Variants in GPC6 observed in about 807,000 individuals in gnomAD.
The protein encoded by GPC6 is glypican-6.
GPC6 carries 14 observed loss-of-function variants against 55.2 expected under a neutral mutation model. The observed-to-expected ratio is 0.25, with a 90% CI of 0.17 to 0.40. The LOEUF (loss-of-function observed/expected upper bound fraction) is 0.40, where lower values mean the gene tolerates loss of function less well. Ranked by LOEUF, GPC6 falls within the 10% of genes least tolerant of loss-of-function variation. GPC6 has a pLI of 1.00. For synonymous variants in GPC6, 278 were observed against 259.6 expected (o/e 1.07, Z -0.68); for missense variants, 641 against 708.5 (o/e 0.90, Z 1.08).
intron 3 of GPC6, among the ~76,000 whole-genome samples, chr13:93,909,064 T>C (rs573007956): frequency 5.8e-4 from 89 of 152,328 alleles, no homozygotes; most frequent in African/African-American, 2.0e-3. Context: ...AGAATAAAAG[T>C]TATGCAAAGG....
chr13:93,282,507 C>G (rs1484737238), intron 1 of GPC6, among the ~76,000 whole-genome samples: 1 of 150,632 alleles, frequency 6.6e-6, no homozygotes, highest in African/African-American at 2.5e-5. Flanking sequence ...CTTAGCTGAT[C>G]TAATGAATTA....
At chr13:93,566,098 T>G (rs1156901358) in intron 2 of GPC6, among the ~76,000 whole-genome samples, 1 of 152,196 alleles carries the variant, frequency 6.6e-6, no homozygotes, top group Non-Finnish European at 1.5e-5. Flanking sequence ...AACTCCTACC[T>G]GAACATAAGG....
chr13:93,436,362 T>C (rs1174085321), intron 1 of GPC6, among the ~76,000 whole-genome samples: 1 of 152,218 alleles, frequency 6.6e-6, no homozygotes, highest in Non-Finnish European at 1.5e-5. Flanking sequence ...TATGTAATGC[T>C]CTTCCCAGAC....
intron 4 of GPC6, among the ~76,000 whole-genome samples, chr13:94,110,696 G>T (rs1886215098): frequency 6.6e-6 from 1 of 151,946 alleles, no homozygotes; most frequent in African/African-American, 2.4e-5. Flanking sequence ...AATAATTAAT[G>T]GAATTAGTTA....
intron 3 of GPC6, among the ~76,000 whole-genome samples, chr13:93,836,544 A>G (rs551728199): frequency 1.5e-4 from 23 of 152,252 alleles, no homozygotes; most frequent in African/African-American, 5.5e-4. Context: ...CATTTCTGTA[A>G]CTGATAATTT....
At chr13:93,982,247 G>T (rs1002991837) in intron 3 of GPC6, among the ~76,000 whole-genome samples, 6 of 152,132 alleles carry the variant, frequency 3.9e-5, no homozygotes, top group Non-Finnish European at 7.4e-5. Flanking sequence ...AATATTTATT[G>T]TTAGTCAACG....
chr13:93,466,436 A>T (rs1878907522), intron 1 of GPC6, among the ~76,000 whole-genome samples: 1 of 152,200 alleles, frequency 6.6e-6, no homozygotes, highest in African/African-American at 2.4e-5. Flanking sequence ...CTAACCTGTT[A>T]AAGAGTTACA....
intron 3 of GPC6, among the ~76,000 whole-genome samples, chr13:93,840,222 A>G (rs1887897825): frequency 6.6e-6 from 1 of 152,210 alleles, no homozygotes; most frequent in Non-Finnish European, 1.5e-5. Context: ...CAAAGAAGAA[A>G]GAAAATCCAA....
intron 4 of GPC6, among the ~76,000 whole-genome samples, chr13:94,092,580 G>A (rs1885527817): frequency 6.6e-6 from 1 of 152,092 alleles, no homozygotes. Context: ...TGTGAATGGT[G>A]CTTTAATGAA....
intron 4 of GPC6, among the ~76,000 whole-genome samples, chr13:94,266,468 A>C (rs117905990): frequency 0.016 from 2,479 of 152,030 alleles, 29 homozygotes; most frequent in Non-Finnish European, 0.028. Flanking sequence ...GCGTCCAGCC[A>C]TCTCCCTGTT....
chr13:93,995,335 G>C (rs998692196), intron 3 of GPC6, among the ~76,000 whole-genome samples: 12 of 151,886 alleles, frequency 7.9e-5, no homozygotes, highest in Non-Finnish European at 5.9e-5. Flanking sequence ...TTGCAGGTGT[G>C]CACCACCACA....
At chr13:94,354,821 T>C (rs549006659) in intron 6 of GPC6, among the ~76,000 whole-genome samples, 97 of 152,334 alleles carry the variant, frequency 6.4e-4, no homozygotes, top group African/African-American at 2.2e-3. Context: ...TCTATACAGA[T>C]GTGTTTCATT....
At chr13:94,293,795 A>G (rs1448710159) in intron 5 of GPC6, among the ~76,000 whole-genome samples, 2 of 152,218 alleles carry the variant, frequency 1.3e-5, no homozygotes, top group Non-Finnish European at 2.9e-5. Context: ...GGTCTGTCAG[A>G]TTCAAAGACA....
chr13:93,278,149 C>T (rs114522358), intron 1 of GPC6, among the ~76,000 whole-genome samples: 104 of 152,216 alleles, frequency 6.8e-4, no homozygotes, highest in African/African-American at 2.4e-3. Context: ...TTTTAGACAA[C>T]AAGTGCTGCA....
At chr13:93,791,527 A>T (rs1472530607) in intron 2 of GPC6, among the ~76,000 whole-genome samples, 5 of 152,250 alleles carry the variant, frequency 3.3e-5, no homozygotes, top group Non-Finnish European at 5.9e-5. Context: ...TATATCTAAA[A>T]ATATGACTAG....
At chr13:94,284,304 C>T (rs1892469554) in intron 4 of GPC6, among the ~76,000 whole-genome samples, 1 of 152,158 alleles carries the variant, frequency 6.6e-6, no homozygotes, top group African/African-American at 2.4e-5. Context: ...TTGGCCTCTA[C>T]AGGCAGTAGC....
At chr13:94,122,775 G>T (rs991325945) in intron 4 of GPC6, among the ~76,000 whole-genome samples, 2 of 152,048 alleles carry the variant, frequency 1.3e-5, no homozygotes, top group Admixed American at 6.6e-5. Context: ...TGCAGATAAA[G>T]CTTCAACATT....
At chr13:93,655,986 C>T (rs1310554221) in intron 2 of GPC6, among the ~76,000 whole-genome samples, 1 of 152,050 alleles carries the variant, frequency 6.6e-6, no homozygotes. Context: ...TGCTAATATT[C>T]ATATCCATCT....
chr13:93,871,766 T>A (rs1889139868), intron 3 of GPC6, among the ~76,000 whole-genome samples: 1 of 151,960 alleles, frequency 6.6e-6, no homozygotes, highest in Non-Finnish European at 1.5e-5. Flanking sequence ...TACAAGGAAG[T>A]GAAATATCCT....
Sources: allele counts gnomAD v4.1 joint callset (sites outside exome capture counted in the v4.1 genomes callset), GRCh38; gene constraint gnomAD v4.1.1; transcripts MANE v1.5; gene names NCBI Gene and HGNC (gene_info 2026-07-23, HGNC 2026-07-21).